HDAC4: variants seen among roughly 807,000 people sequenced by gnomAD.
HDAC4 encodes the protein histone deacetylase A.
HDAC4 carries 16 observed loss-of-function variants against 135.1 expected under a neutral mutation model. The ratio of observed to expected loss-of-function variants is 0.12; its 90% CI spans 0.08 to 0.18. HDAC4 has a LOEUF of 0.18. Ranked by LOEUF, HDAC4 falls within the 10% of genes least tolerant of loss-of-function variation. The pLI is 1.00. For missense variants in HDAC4, 1,143 were observed against 1,511.8 expected (o/e 0.76, Z 4.05); for synonymous variants, 685 against 653.4 (o/e 1.05, Z -0.74).
At chr2:239,264,821 C>T (rs1559302084) in intron 2 of HDAC4, among the ~76,000 whole-genome samples, 2 of 152,192 alleles carry the variant, frequency 1.3e-5, no homozygotes, top group Non-Finnish European at 2.9e-5. Context: ...ACTGCTGCCC[C>T]GTCGGAGGGT....
In HDAC4 at chr2:239,349,899, G is replaced by A. The variant is rs1324219559; in HGVS notation, c.22+2779C>T. Among the ~76,000 whole-genome samples the A allele has an allele frequency of 6.6e-6, 1 of 152,212 alleles. No individual in the cohort carries two copies. Among genetic ancestry groups the A allele is most frequent in the Non-Finnish European group, 1.5e-5 (1 of 68,036 alleles). On this transcript the variant is annotated intron_variant, in intron 2 of 26. Coordinates refer to ENST00000543185, the MANE Select transcript of HDAC4 (RefSeq NM_001378414.1). This position sits in a 1 kb window ranked among gnomAD's most constrained non-coding sequence, Gnocchi z 5.7. ...CCCTCACCAGTGCGGCCTGTCTTCA[G>A]CCTCCAACCCACTGAGAGAGAGAAT...
chr2:239,112,735 C>T lies in HDAC4; in HGVS notation c.1792-1023G>A, dbSNP rs894673980. Among the ~76,000 whole-genome samples, 28 of 152,224 alleles carry T rather than the reference C, an allele frequency of 1.8e-4. 2 individuals are homozygous for T. The highest frequency in any genetic ancestry group is 3.9e-4 in the East Asian group (2 of 5,190). On this transcript the variant is annotated intron_variant, in intron 13 of 26. Transcript: ENST00000543185. ...GAGCACAGCAACCTGCCACCCAGGCCGAGGCACAAAGAAAGCCGGGCGCCT... is the reference window on the plus strand; with the variant it reads ...GAGCACAGCAACCTGCCACCCAGGCTGAGGCACAAAGAAAGCCGGGCGCCT...
chr2:239,368,872 C>T (rs902430462), intron 1 of HDAC4, among the ~76,000 whole-genome samples: 5 of 152,176 alleles, frequency 3.3e-5, no homozygotes, highest in Middle Eastern at 6.3e-3. Context: ...TCAAAACTAT[C>T]GATGTCGGCA....
At chr2:239,086,851 T>C (rs2036017004) in intron 19 of HDAC4, among the ~76,000 whole-genome samples, 1 of 152,184 alleles carries the variant, frequency 6.6e-6, no homozygotes, top group African/African-American at 2.4e-5. Flanking sequence ...CTCCAGAGCA[T>C]GGGGAGACGC....
chr2:239,373,874 T>C (rs1694808029), intron 1 of HDAC4, among the ~76,000 whole-genome samples: 1 of 152,236 alleles, frequency 6.6e-6, no homozygotes, highest in Admixed American at 6.5e-5. Context: ...GGGTCCTTGA[T>C]GCCCCAATTG....
chr2:239,201,748 C>T (rs1021592455), intron 3 of HDAC4, among the ~76,000 whole-genome samples: 1 of 152,214 alleles, frequency 6.6e-6, no homozygotes, highest in Admixed American at 6.5e-5. Context: ...GGAAACGACA[C>T]ATTCCTGAAA....
chr2:239,185,416 C>T (rs1417469265), intron 4 of HDAC4, among the ~76,000 whole-genome samples: 3 of 150,596 alleles, frequency 2.0e-5, no homozygotes, highest in Non-Finnish European at 4.4e-5. Context: ...GAGGTGTACC[C>T]TAACTGCTGG....
intron 1 of HDAC4, among the ~76,000 whole-genome samples, chr2:239,380,210 C>T (rs1448517503): frequency 6.6e-6 from 1 of 152,204 alleles, no homozygotes; most frequent in African/African-American, 2.4e-5. Context: ...AATCCCACTG[C>T]GGAATGCGCG....
chr2:239,128,401 T>C (rs1292499886), intron 11 of HDAC4, among the ~76,000 whole-genome samples: 4 of 152,054 alleles, frequency 2.6e-5, no homozygotes, highest in African/African-American at 9.7e-5. Flanking sequence ...TGGTGGCACA[T>C]GCCTGTAATC....
chr2:239,370,153 G>A (rs1318608901), intron 1 of HDAC4, among the ~76,000 whole-genome samples: 1 of 152,174 alleles, frequency 6.6e-6, no homozygotes, highest in Non-Finnish European at 1.5e-5. Flanking sequence ...TTTTCCCAAG[G>A]GGCTCTGCGG....
At chr2:239,311,220 CG>C (rs113801053) in intron 2 of HDAC4, among the ~76,000 whole-genome samples, 77 of 152,270 alleles carry the variant, frequency 5.1e-4, no homozygotes, top group African/African-American at 1.8e-3. Context: ...GCCAGGGGGA[CG>C]GCCTGGCCCC....
chr2:239,209,283 G>A (rs1039284038), intron 3 of HDAC4, among the ~76,000 whole-genome samples: 2 of 152,316 alleles, frequency 1.3e-5, no homozygotes, highest in Non-Finnish European at 2.9e-5. Flanking sequence ...CTCTCCAAAC[G>A]GAACTACAGG....
intron 3 of HDAC4, among the ~76,000 whole-genome samples, chr2:239,194,122 G>C (rs6735945): frequency 0.016 from 2,495 of 152,290 alleles, 77 homozygotes; most frequent in African/African-American, 0.057. Flanking sequence ...ATCATTGAGC[G>C]TGGAGGAGAT....
chr2:239,242,102 G>C (rs2048206097), intron 2 of HDAC4, among the ~76,000 whole-genome samples: 1 of 146,672 alleles, frequency 6.8e-6, no homozygotes, highest in African/African-American at 2.5e-5. Context: ...AGGAAGGAAG[G>C]AGAAAAAAAG....
At chr2:239,094,933 A>C (rs762814160) in intron 17 of HDAC4, 77 bp downstream of exon 17, 1 of 1,610,438 alleles carries the variant, frequency 6.2e-7, no homozygotes, top group Non-Finnish European at 8.5e-7. Context: ...CTTTGAGGGA[A>C]GCAAGGCTGC....
At chr2:239,190,371 C>T (rs1016862078) in intron 3 of HDAC4, among the ~76,000 whole-genome samples, 5 of 152,220 alleles carry the variant, frequency 3.3e-5, no homozygotes, top group South Asian at 2.1e-4. Flanking sequence ...CCCGGGAGGC[C>T]GGCTCTCAGA....
chr2:239,278,840 C>A (rs2050541434), intron 2 of HDAC4, among the ~76,000 whole-genome samples: 1 of 152,140 alleles, frequency 6.6e-6, no homozygotes, highest in Non-Finnish European at 1.5e-5. Flanking sequence ...ACCATTGGGG[C>A]CGGGGCCGGG....
chr2:239,304,565 T>C (rs938137916), intron 2 of HDAC4, among the ~76,000 whole-genome samples: 2 of 152,182 alleles, frequency 1.3e-5, no homozygotes, highest in Non-Finnish European at 2.9e-5. Flanking sequence ...TTCTTGTTCT[T>C]CAAAAGATAT....
chr2:239,267,549 T>C (rs1170463820), intron 2 of HDAC4, among the ~76,000 whole-genome samples: 1 of 152,242 alleles, frequency 6.6e-6, no homozygotes, highest in Non-Finnish European at 1.5e-5. Context: ...TATAGAGAGT[T>C]GTACACACAA....
Sources: gnomAD v4.1 joint callset for allele counts (sites outside exome capture counted in the v4.1 genomes callset) on GRCh38, gnomAD v4.1.1 for gene constraint, Gnocchi (gnomAD v3.1) non-coding constraint, MANE v1.5 for transcripts, NCBI Gene and HGNC (gene_info 2026-07-23, HGNC 2026-07-21) for gene names.